The following SEC23B variants were observed in gnomAD, a reference collection of about 807,000 sequenced individuals.
SEC23B encodes the protein SEC23 homolog B, COPII component, also known as protein transport protein Sec23B.
Under a neutral mutation model 104.3 loss-of-function variants are expected in SEC23B, and 77 were observed. The observed-to-expected ratio is 0.74, with a 90% confidence interval of 0.61 to 0.89. The LOEUF is 0.89. Among genes scored for constraint, SEC23B ranks in the 40% least tolerant of loss-of-function variants. The pLI is 0.00. For missense variants in SEC23B, 885 were observed against 949.4 expected (o/e 0.93, Z 0.89); for synonymous variants, 338 against 332.5 (o/e 1.02, Z -0.18).
At chr20:18,537,835 T>C (rs1281738515) in intron 12 of SEC23B, among the ~76,000 whole-genome samples, 1 of 152,132 alleles carries the variant, frequency 6.6e-6, no homozygotes, top group Non-Finnish European at 1.5e-5. Flanking sequence ...CTTTAGTGAG[T>C]CATACTCTTT....
intron 13 of SEC23B, 45 bp from the exon 14 acceptor site, chr20:18,542,974 G>C: frequency 1.2e-6 from 2 of 1,612,518 alleles, no homozygotes; most frequent in Non-Finnish European, 1.7e-6. Context: ...CTGGCTTTCT[G>C]ATCTCTCCTA....
chr20:18,544,758 G>A (rs1241425715), intron 14 of SEC23B, among the ~76,000 whole-genome samples: 1 of 152,198 alleles, frequency 6.6e-6, no homozygotes, highest in African/African-American at 2.4e-5. Context: ...GTGAATGGAG[G>A]ATTTTTCAGG....
chr20:18,560,603 A>G, intron 19 of SEC23B, 48 bp from the exon 20 acceptor site: 2 of 1,460,778 alleles, frequency 1.4e-6, no homozygotes, highest in Non-Finnish European at 9.6e-7. Context: ...ATGAATTCTA[A>G]TCAGCTTCTA....
At position 18,543,134 on chromosome 20, in the gene SEC23B, G is replaced by T; in HGVS notation, c.1627G>T (p.Asp543Tyr). The T allele has an allele frequency of 1.2e-6, 2 of 1,614,184 alleles. No homozygotes were observed. The highest frequency in any genetic ancestry group is 2.2e-5 in the East Asian group (1 of 44,882). ...CCGAGCGGAGTCAGAGGAGGGGCCC[G>T]ATGTGCTCCGGTGGCTGGACCGACA... ...VFRAESEEGPDVLRWLDRQLI... is the reference protein window; with the variant it reads ...VFRAESEEGPYVLRWLDRQLI... Residue 543 changes from aspartate to tyrosine, a missense_variant, in exon 14 of 20, where the codon GAT becomes TAT. Physicochemically the swap from Asp to Tyr is radical, Grantham distance 160. Coordinates refer to ENST00000650089, the MANE Select transcript of SEC23B (RefSeq NM_006363.6).
At chr20:18,547,087 C>CT (rs749233166) in intron 15 of SEC23B, among the ~76,000 whole-genome samples, 2 of 151,954 alleles carry the variant, frequency 1.3e-5, no homozygotes, top group East Asian at 3.9e-4. Flanking sequence ...GATGAAGACT[C>CT]TAAGAGCACA....
chr20:18,534,240 CGAT>C (rs1280190928), intron 11 of SEC23B, among the ~76,000 whole-genome samples: 5 of 152,136 alleles, frequency 3.3e-5, no homozygotes. Context: ...CTAAAAATAA[CGAT>C]GTTCTCCTAC....
chr20:18,524,597 G>C lies in SEC23B; in HGVS notation c.531G>C (p.Glu177Asp), dbSNP rs759620158. 3.1e-6 allele frequency: 5 copies of C among 1,614,232 alleles called. No homozygotes were observed. Among genetic ancestry groups the C allele is most frequent in the Non-Finnish European group, 4.2e-6 (5 of 1,180,044 alleles). ...ITFGRMVQVH[E>D]LSCEGISKSY... ...TTGGAAGGATGGTGCAGGTTCATGA[G>C]CTAAGCTGTGAAGGAATCTCCAAAA... The change falls in exon 5 of 20, where the codon GAG becomes GAC. Residue 177 changes from glutamate (E) to aspartate (D), a missense_variant. Physicochemically the swap from Glu to Asp is conservative, Grantham distance 45 (BLOSUM62 2). Coordinates refer to ENST00000650089, the MANE Select transcript of SEC23B (RefSeq NM_006363.6).
chr20:18,530,753 G>T lies in SEC23B; in HGVS notation c.1183G>T (p.Asp395Tyr). The change falls in exon 10 of 20, where the codon GAT (aspartate) becomes TAT (tyrosine). Residue 395 changes from aspartate to tyrosine, a missense_variant. Coordinates refer to ENST00000650089, the MANE Select transcript of SEC23B (RefSeq NM_006363.6). ...KQTFQRIFTK[D>Y]FNGDFRMAFG... ...GACATTCCAAAGAATCTTTACTAAA[G>T]ATTTTAATGGAGATTTCCGAATGGC... 1 of 1,613,062 alleles carries T rather than the reference G, an allele frequency of 6.2e-7. No homozygotes were observed. Among genetic ancestry groups the T allele is most frequent in the Non-Finnish European group, 8.5e-7 (1 of 1,179,456 alleles).
At chr20:18,520,626 T>A (rs2060074286) in intron 4 of SEC23B, among the ~76,000 whole-genome samples, 1 of 152,058 alleles carries the variant, frequency 6.6e-6, no homozygotes, top group Non-Finnish European at 1.5e-5. Flanking sequence ...AAGAATGTTG[T>A]CCAAGTTGGC....
chr20:18,518,727 C>G (rs1235019961), intron 4 of SEC23B, among the ~76,000 whole-genome samples: 1 of 151,652 alleles, frequency 6.6e-6, no homozygotes, highest in Non-Finnish European at 1.5e-5. Context: ...AGTTGGAATG[C>G]TAGCTGCTTC....
At chr20:18,517,500 CG>C (rs1465454905) in intron 4 of SEC23B, among the ~76,000 whole-genome samples, 52 of 152,264 alleles carry the variant, frequency 3.4e-4, no homozygotes, top group African/African-American at 1.2e-3. Flanking sequence ...TGGATGTATA[CG>C]TGCAGGTCAT....
chr20:18,515,209 A>G (rs1295620540), intron 3 of SEC23B, among the ~76,000 whole-genome samples: 1 of 150,912 alleles, frequency 6.6e-6, no homozygotes, highest in East Asian at 1.9e-4. Context: ...GACAGAAATG[A>G]TATAAATATA....
At chr20:18,549,503 AC>A (rs1426210074) in intron 16 of SEC23B, among the ~76,000 whole-genome samples, 4 of 152,132 alleles carry the variant, frequency 2.6e-5, no homozygotes, top group Non-Finnish European at 5.9e-5. Context: ...TAGATGTGGA[AC>A]CCACCGATAC....
In SEC23B at chr20:18,510,945, C is replaced by T; in HGVS notation, c.110C>T (p.Pro37Leu). 1 of 1,614,016 alleles carries T rather than the reference C, an allele frequency of 6.2e-7. No homozygotes were observed. Residue 37 changes from proline to leucine, a missense_variant, in exon 2 of 20, where the codon CCC (proline) becomes CTC (leucine). Coordinates refer to ENST00000650089, the MANE Select transcript of SEC23B (RefSeq NM_006363.6). ...CTGGAGGCTACAAGAATGGTTGTAC[C>T]CCTGGCTTGTCTCCTTACTCCTTTG... ...SRLEATRMVV[P>L]LACLLTPLKE...
At chr20:18,519,085 G>A (rs1213752305) in intron 4 of SEC23B, among the ~76,000 whole-genome samples, 1 of 152,210 alleles carries the variant, frequency 6.6e-6, no homozygotes, top group Non-Finnish European at 1.5e-5. Flanking sequence ...AGATACTATG[G>A]CATAGCCTGC....
At chr20:18,509,844 C>G (rs1050249050) in intron 1 of SEC23B, 4 of 152,236 alleles carry the variant, frequency 2.6e-5, no homozygotes, top group Non-Finnish European at 5.9e-5. Flanking sequence ...TCTCAGCCTC[C>G]CAAAGTGCTG....
At chr20:18,509,485 T>C (rs540261902) in intron 1 of SEC23B, 1 of 152,340 alleles carries the variant, frequency 6.6e-6, no homozygotes, top group South Asian at 2.1e-4. Context: ...AGCTGAGTTG[T>C]GTGTTACCCT....
At chr20:18,541,418 A>G (rs1400406966) in intron 12 of SEC23B, among the ~76,000 whole-genome samples, 1 of 152,262 alleles carries the variant, frequency 6.6e-6, no homozygotes, top group Admixed American at 6.5e-5. Flanking sequence ...GCTTTCAGCT[A>G]TCTTGGCTTT....
intron 18 of SEC23B, 108 bp downstream of exon 18, chr20:18,554,498 A>T (rs2060417578): frequency 2.2e-5 from 30 of 1,367,924 alleles, no homozygotes; most frequent in Non-Finnish European, 2.9e-5. Context: ...ACATAAATTG[A>T]CACACAGGTA....
Sources: allele counts gnomAD v4.1 joint callset (sites outside exome capture counted in the v4.1 genomes callset), GRCh38; gene constraint gnomAD v4.1.1; transcripts MANE v1.5; gene names NCBI Gene and HGNC (gene_info 2026-07-23, HGNC 2026-07-21).